The following RIMS2 variants were observed in gnomAD, a reference collection of about 807,000 sequenced individuals.
The protein encoded by RIMS2 is regulating synaptic membrane exocytosis 2, also known as regulating synaptic membrane exocytosis protein 2.
Under a neutral mutation model 174.4 loss-of-function variants are expected in RIMS2, and 59 were observed. That is an observed-to-expected ratio of 0.34 (90% CI 0.27 to 0.42). The LOEUF is 0.42. Ranked by LOEUF, RIMS2 falls within the 10% of genes least tolerant of loss-of-function variation. The pLI, the probability that RIMS2 is intolerant of heterozygous loss-of-function variation, is 1.00. For missense variants in RIMS2, 1,620 were observed against 1,666.3 expected (o/e 0.97, Z 0.48); for synonymous variants, 606 against 572.5 (o/e 1.06, Z -0.84).
At chr8:103,621,902 A>G (rs2095643909) in intron 1 of RIMS2, among the ~76,000 whole-genome samples, 1 of 152,252 alleles carries the variant, frequency 6.6e-6, no homozygotes, top group Admixed American at 6.5e-5. Context: ...CCTAAGTGAT[A>G]GAATATGAGT....
rs569124621 is a variant in RIMS2 at position 103,837,538 on chromosome 8, T to C, written c.699-47760T>C. The stretch of plus-strand genomic sequence containing the variant: ...TCCCTCCCCCCTCAACAGACCCCAG[T>C]GTGTGATGTTCCCCTTCCTGTGTCC... On this transcript the variant is annotated intron_variant, in intron 3 of 23. Coordinates refer to ENST00000504942, the Ensembl canonical transcript of RIMS2. Among the ~76,000 whole-genome samples, 237 of 152,162 alleles carry C rather than the reference T, an allele frequency of 1.6e-3. 4 individuals are homozygous for C. The highest frequency in any genetic ancestry group is 3.4e-3 in the Middle Eastern group (1 of 294).
chr8:104,149,649 A>G (rs2098673252), intron 19 of RIMS2, among the ~76,000 whole-genome samples: 1 of 152,168 alleles, frequency 6.6e-6, no homozygotes, highest in African/African-American at 2.4e-5. Context: ...TGCATGTAAT[A>G]TGGTGTTTCT....
intron 3 of RIMS2, among the ~76,000 whole-genome samples, chr8:103,796,569 C>G (rs978265622): frequency 6.6e-6 from 1 of 152,046 alleles, no homozygotes; most frequent in South Asian, 2.1e-4. Flanking sequence ...CTAGCCTCAG[C>G]AGATCACTAA....
intron 19 of RIMS2, among the ~76,000 whole-genome samples, chr8:104,030,662 C>T (rs62527151): frequency 0.026 from 4,016 of 152,226 alleles, 102 homozygotes; most frequent in Middle Eastern, 0.051. Flanking sequence ...GCACATGCTG[C>T]TCCTCTGCCT....
At chr8:103,593,654 A>G (rs1234939396) in intron 1 of RIMS2, among the ~76,000 whole-genome samples, 4 of 151,560 alleles carry the variant, frequency 2.6e-5, no homozygotes, top group Non-Finnish European at 5.9e-5. Context: ...GCCACCTTCT[A>G]CTAAGCTAGA....
intron 2 of RIMS2, among the ~76,000 whole-genome samples, chr8:103,711,242 AC>A (rs1427872660): frequency 6.6e-6 from 1 of 152,172 alleles, no homozygotes; most frequent in Non-Finnish European, 1.5e-5. Context: ...TCTCTGGGGC[AC>A]CACACAAAGT....
In RIMS2 at chr8:104,223,445, C is replaced by T. The variant is rs555091302; in HGVS notation, c.3335-21471C>T. ...ACCGCCTCCATCTCCTCCTCTGGAC[C>T]CCTCTCCAATAAATTGGAGGTCCCG... On this transcript the variant is annotated intron_variant, in intron 19 of 23. Coordinates refer to ENST00000504942, the Ensembl canonical transcript of RIMS2. 9.0e-4 allele frequency: 1,228 copies of T among 1,370,060 alleles called. 1 individual carries two copies. The highest frequency in any genetic ancestry group is 1.1e-3 in the Non-Finnish European group (1,128 of 1,068,714). The allele number at this position is 1,370,060 out of a possible 1,614,324, so 84.9% of individuals were successfully genotyped here.
intron 1 of RIMS2, among the ~76,000 whole-genome samples, chr8:103,607,022 G>T (rs1466479848): frequency 1.3e-5 from 2 of 151,864 alleles, no homozygotes; most frequent in South Asian, 2.1e-4. Flanking sequence ...ATATTGTTAT[G>T]TGTGAATCTG....
At chr8:103,555,428 A>G (rs1849963495) in intron 1 of RIMS2, among the ~76,000 whole-genome samples, 1 of 152,062 alleles carries the variant, frequency 6.6e-6, no homozygotes, top group South Asian at 2.1e-4. Context: ...AATGTAAGTT[A>G]GTACAGCCAT....
intron 19 of RIMS2, among the ~76,000 whole-genome samples, chr8:104,226,460 C>T (rs568145628): frequency 3.3e-5 from 5 of 152,298 alleles, no homozygotes; most frequent in African/African-American, 1.2e-4. Flanking sequence ...TTCATCCACT[C>T]ATTCATTCAT....
At chr8:103,689,004 C>T (rs999840534) in intron 1 of RIMS2, among the ~76,000 whole-genome samples, 9 of 151,940 alleles carry the variant, frequency 5.9e-5, no homozygotes, top group Non-Finnish European at 1.2e-4. Context: ...TAATTGTCCT[C>T]TTAGAATTGC....
rs769123984 is a variant in RIMS2 at position 103,501,031 on chromosome 8, AAAG to A, written c.150_152del (p.Glu52del). ...CCTGGCCGTCATGGATAGGCAGAAG[AAAG>A]AAGAGGAGAAGGAGCAGTCCGTGCT... On this transcript the variant is annotated inframe_deletion, in exon 1 of 24. Coordinates refer to ENST00000504942, the Ensembl canonical transcript of RIMS2. 27 of 1,609,852 alleles carry A rather than the reference AAAG, an allele frequency of 1.7e-5. No individual in the cohort carries two copies. In the South Asian group the frequency reaches 2.8e-4, roughly 16 times the overall value.
intron 19 of RIMS2, among the ~76,000 whole-genome samples, chr8:104,060,145 G>A (rs948612661): frequency 2.0e-5 from 3 of 151,798 alleles, no homozygotes. Context: ...AGAAGGAATG[G>A]TATCAGTTCC....
chr8:104,025,887 A>G (rs556327765), intron 19 of RIMS2, among the ~76,000 whole-genome samples: 52 of 152,260 alleles, frequency 3.4e-4, no homozygotes, highest in Non-Finnish European at 5.9e-5. Flanking sequence ...TGCCTGCAGT[A>G]TTTAGTATGG....
At chr8:104,193,518 G>A (rs769856326) in intron 19 of RIMS2, among the ~76,000 whole-genome samples, 9 of 152,188 alleles carry the variant, frequency 5.9e-5, no homozygotes, top group Non-Finnish European at 1.0e-4. Context: ...TTGGGGCCAA[G>A]TTCTGACAGC....
chr8:103,598,445 G>A (rs1355886937), intron 1 of RIMS2, among the ~76,000 whole-genome samples: 7 of 152,070 alleles, frequency 4.6e-5, no homozygotes, highest in East Asian at 1.9e-4. Flanking sequence ...CTTCCTATTC[G>A]TAATCTTACA....
intron 19 of RIMS2, among the ~76,000 whole-genome samples, chr8:104,236,611 A>G (rs536989856): frequency 7.2e-5 from 11 of 152,048 alleles, no homozygotes; most frequent in South Asian, 2.1e-4. Flanking sequence ...AGTATTTTCA[A>G]TTTATATAGT....
Position 103,608,246 on chromosome 8 carries a change from G to T in RIMS2, c.177-88840G>T, listed in dbSNP as rs1183454234. Among the ~76,000 whole-genome samples, 4 of 143,074 alleles carry T rather than the reference G, an allele frequency of 2.8e-5. No individual in the cohort carries two copies. In the South Asian group the frequency reaches 6.4e-4, roughly 23 times the overall value. The allele number at this position is 143,074 out of a possible 152,430, so 93.9% of individuals were successfully genotyped here. A position where few individuals can be genotyped will look rare whatever the true frequency, so the allele number is the denominator to read the frequency against. On this transcript the variant is annotated intron_variant, in intron 1 of 23. Coordinates refer to ENST00000504942, the Ensembl canonical transcript of RIMS2. The stretch of plus-strand genomic sequence containing the variant: ...AGGACCCTCAGCTGCAGGTCTGTTG[G>T]AGTACTGGGCCCTGTGAGGTGTCAA...
chr8:104,247,915 T>C (rs2099345040), intron 20 of RIMS2, among the ~76,000 whole-genome samples: 1 of 151,996 alleles, frequency 6.6e-6, no homozygotes, highest in Non-Finnish European at 1.5e-5. Flanking sequence ...AATTCAGACA[T>C]AGAAAAAAGA....
Sources: gnomAD v4.1 joint callset for allele counts (sites outside exome capture counted in the v4.1 genomes callset) on GRCh38, gnomAD v4.1.1 for gene constraint, MANE v1.5 for transcripts, NCBI Gene and HGNC (gene_info 2026-07-23, HGNC 2026-07-21) for gene names.